PRKAG2: variants seen among roughly 807,000 people sequenced by gnomAD.
PRKAG2 encodes the protein 5'-AMP-activated protein kinase subunit gamma-2.
Under a neutral mutation model 69.6 loss-of-function variants are expected in PRKAG2, and 26 were observed. The ratio of observed to expected loss-of-function variants is 0.37; its 90% CI spans 0.27 to 0.52. The LOEUF is 0.52. Among genes scored for constraint, PRKAG2 ranks in the 20% least tolerant of loss-of-function variants. PRKAG2 has a pLI of 0.90. For synonymous variants in PRKAG2, 293 were observed against 285.0 expected, an observed-to-expected ratio of 1.03 and a Z score of -0.28; for missense variants, 557 against 740.0, an observed-to-expected ratio of 0.75 and a Z score of 2.87.
At chr7:151,747,354 C>T (rs1266984672) in intron 3 of PRKAG2, among the ~76,000 whole-genome samples, 6 of 152,098 alleles carry the variant, frequency 3.9e-5, no homozygotes, top group African/African-American at 1.2e-4. Context: ...GTCAGGAGTT[C>T]GAGACCAGCC....
In PRKAG2 at chr7:151,827,761, A is replaced by AAAAAC. The variant is rs1554614011; in HGVS notation, c.115-41221_115-41220insGTTTT. ...GGCCTTAGGTAAAAAAAAAAAAAAA[A>AAAAAC]AAAAAAAAAAAAACTGCCTTGCTGT... On this transcript the variant is annotated intron_variant, in intron 1 of 15. Transcript: ENST00000287878. 1.1e-3 allele frequency among the ~76,000 whole-genome samples: 165 copies of AAAAAC among 149,694 alleles called. 1 individual carries two copies. The highest frequency in any genetic ancestry group is 1.8e-3 in the Non-Finnish European group (119 of 67,204).
At chr7:151,635,646 A>G (rs1383740126) in intron 4 of PRKAG2, among the ~76,000 whole-genome samples, 1 of 152,190 alleles carries the variant, frequency 6.6e-6, no homozygotes, top group Non-Finnish European at 1.5e-5. Context: ...AAAATGGTCG[A>G]AATGGAGAAC....
chr7:151,874,183 T>C (rs1194805997), intron 1 of PRKAG2, among the ~76,000 whole-genome samples: 1 of 125,828 alleles, frequency 7.9e-6, no homozygotes, highest in Non-Finnish European at 1.6e-5. Context: ...TGTATATGTA[T>C]ATGTATATGT....
chr7:151,759,090 C>T (rs988903657), intron 3 of PRKAG2, among the ~76,000 whole-genome samples: 1 of 152,192 alleles, frequency 6.6e-6, no homozygotes, highest in Non-Finnish European at 1.5e-5. Flanking sequence ...ACCTCTCCTG[C>T]AAGGCCCCGC....
At chr7:151,863,470 T>A (rs1317503614) in intron 1 of PRKAG2, among the ~76,000 whole-genome samples, 1 of 152,076 alleles carries the variant, frequency 6.6e-6, no homozygotes, top group Non-Finnish European at 1.5e-5. Flanking sequence ...TGTGAATGCT[T>A]CATCGCCCTT....
chr7:151,612,172 G>C (rs923315956), intron 5 of PRKAG2, among the ~76,000 whole-genome samples: 1 of 152,178 alleles, frequency 6.6e-6, no homozygotes, highest in African/African-American at 2.4e-5. Context: ...CAGAGAGAAA[G>C]AGGAGAGTTG....
chr7:151,851,587 C>T, intron 1 of PRKAG2, among the ~76,000 whole-genome samples: 1 of 152,156 alleles, frequency 6.6e-6, no homozygotes, highest in East Asian at 1.9e-4. Context: ...TCCATATGCC[C>T]CTGTTCAGCC....
intron 3 of PRKAG2, among the ~76,000 whole-genome samples, chr7:151,692,606 T>C (rs1291476201): frequency 1.3e-5 from 2 of 152,128 alleles, no homozygotes; most frequent in Non-Finnish European, 2.9e-5. Context: ...ACGTAACTTA[T>C]AGCTAAATAA....
chr7:151,599,658 C>G (rs1815518362), intron 5 of PRKAG2, among the ~76,000 whole-genome samples: 1 of 152,178 alleles, frequency 6.6e-6, no homozygotes, highest in Admixed American at 6.5e-5. Context: ...CTCGTGGGCA[C>G]AGTTCACCAT....
intron 1 of PRKAG2, among the ~76,000 whole-genome samples, chr7:151,837,809 C>T (rs187506290): frequency 2.0e-5 from 3 of 152,304 alleles, no homozygotes; most frequent in African/African-American, 4.8e-5. Flanking sequence ...GTGGGCCTGT[C>T]TTAGGGAGGA....
intron 1 of PRKAG2, among the ~76,000 whole-genome samples, chr7:151,820,432 G>A (rs1184399685): frequency 7.8e-6 from 1 of 128,964 alleles, no homozygotes; most frequent in Non-Finnish European, 1.7e-5. Flanking sequence ...ACTCTACTCG[G>A]AACACCGCTC....
chr7:151,654,132 T>C (rs1220894412), intron 4 of PRKAG2, among the ~76,000 whole-genome samples: 2 of 152,210 alleles, frequency 1.3e-5, no homozygotes, highest in South Asian at 4.1e-4. Flanking sequence ...AAACCCATCC[T>C]TTTGAAATAG....
At chr7:151,748,172 C>T (rs892868080) in intron 3 of PRKAG2, among the ~76,000 whole-genome samples, 32 of 152,214 alleles carry the variant, frequency 2.1e-4, no homozygotes, top group East Asian at 1.3e-3. Context: ...CCGCCCACCT[C>T]GGCCTCCCTA....
chr7:151,809,708 G>C lies in PRKAG2; in HGVS notation c.115-23167C>G, dbSNP rs555926340. ...TTTCCTGCCAAAGTTGTGGCGGGAA[G>C]GCCTTAGGTACTAGAAAACCTTGGG... On this transcript the variant is annotated intron_variant, in intron 1 of 15. Coordinates refer to ENST00000287878, the MANE Select transcript of PRKAG2 (RefSeq NM_016203.4). 11 of 158,894 alleles carry C rather than the reference G, an allele frequency of 6.9e-5. No individual in the cohort carries two copies. In the South Asian group the frequency reaches 2.0e-3, roughly 28 times the overall value. 9.8% of individuals were successfully genotyped at this position (158,894 alleles called of 1,614,324 possible). A position where few individuals can be genotyped will look rare whatever the true frequency, so the allele number is the denominator to read the frequency against.
intron 6 of PRKAG2, among the ~76,000 whole-genome samples, chr7:151,584,775 T>C (rs1055973118): frequency 3.3e-5 from 5 of 152,176 alleles, no homozygotes; most frequent in African/African-American, 1.2e-4. Context: ...TGCACGCCTG[T>C]AGTCTCAGCT....
At chr7:151,847,663 G>A (rs1018739370) in intron 1 of PRKAG2, among the ~76,000 whole-genome samples, 6 of 152,316 alleles carry the variant, frequency 3.9e-5, no homozygotes, top group African/African-American at 1.2e-4. Flanking sequence ...ATAACCACGC[G>A]GCAAAGCACC....
chr7:151,834,750 C>T (rs2079110261), intron 1 of PRKAG2, among the ~76,000 whole-genome samples: 1 of 152,196 alleles, frequency 6.6e-6, no homozygotes, highest in Non-Finnish European at 1.5e-5. Flanking sequence ...CGGCGCAGTG[C>T]CGCCCCTCCC....
chr7:151,579,421 T>C (rs1435384068), intron 6 of PRKAG2, among the ~76,000 whole-genome samples: 1 of 152,202 alleles, frequency 6.6e-6, no homozygotes, highest in Non-Finnish European at 1.5e-5. Context: ...GGATCATTCA[T>C]GAAACCCTAA....
chr7:151,557,056 C>A lies in PRKAG2; in HGVS notation c.*145G>T. 1 of 1,372,966 alleles carries A rather than the reference C, an allele frequency of 7.3e-7. No homozygotes were observed. Among genetic ancestry groups the A allele is most frequent in the Non-Finnish European group, 1.0e-6 (1 of 976,514 alleles). The allele number at this position is 1,372,966 out of a possible 1,614,324, so 85.0% of individuals were successfully genotyped here. A position where few individuals can be genotyped will look rare whatever the true frequency, so the allele number is the denominator to read the frequency against. On this transcript the variant is annotated 3_prime_UTR_variant, in exon 16 of 16. Coordinates refer to ENST00000287878, the MANE Select transcript of PRKAG2 (RefSeq NM_016203.4). Reference sequence around the variant, plus strand: ...GCACATAAAATCTTTCTTTTTTAAGCTTAATTTCAACATCACTGGAAGAAA... The same window carrying A: ...GCACATAAAATCTTTCTTTTTTAAGATTAATTTCAACATCACTGGAAGAAA...
Sources: allele counts gnomAD v4.1 joint callset (sites outside exome capture counted in the v4.1 genomes callset), GRCh38; gene constraint gnomAD v4.1.1; transcripts MANE v1.5; gene names NCBI Gene and HGNC (gene_info 2026-07-23, HGNC 2026-07-21).